The following FMN2 variants were observed in gnomAD, a reference collection of about 807,000 sequenced individuals.
The protein encoded by FMN2 is formin 2.
Under a neutral mutation model 142.3 loss-of-function variants are expected in FMN2, and 51 were observed. The ratio of observed to expected loss-of-function variants is 0.36; its 90% CI spans 0.29 to 0.45. FMN2 has a LOEUF of 0.45. Ranked by LOEUF, FMN2 falls within the 20% of genes least tolerant of loss-of-function variation. FMN2 has a pLI of 1.00. For missense variants in FMN2, 1,936 were observed against 2,122.8 expected (o/e 0.91, Z 1.73); for synonymous variants, 882 against 869.8 (o/e 1.01, Z -0.25).
intron 15 of FMN2, among the ~76,000 whole-genome samples, chr1:240,429,722 A>T (rs1198392444): frequency 1.3e-5 from 2 of 152,176 alleles, no homozygotes; most frequent in Non-Finnish European, 2.9e-5. Flanking sequence ...GAGGAACTTC[A>T]TATTGATATA....
intron 2 of FMN2, among the ~76,000 whole-genome samples, chr1:240,132,797 G>A (rs1662794128): frequency 6.6e-6 from 1 of 152,132 alleles, no homozygotes; most frequent in Admixed American, 6.6e-5. Context: ...GCGGTATGAG[G>A]GAGGATTGGA....
chr1:240,468,206 A>ATATGTG lies in FMN2; in HGVS notation c.5061-4165_5061-4164insATGTGT, dbSNP rs374934885. Among the ~76,000 whole-genome samples, 1,288 of 147,960 alleles carry ATATGTG rather than the reference A, an allele frequency of 8.7e-3. 17 individuals are homozygous for ATATGTG. Among genetic ancestry groups the ATATGTG allele is most frequent in the Middle Eastern group, 0.014 (4 of 284 alleles). On this transcript the variant is annotated intron_variant, in intron 16 of 17. Transcript: ENST00000319653. ...AATGCATCCACTAAAATATATATATATGTGTGTGTGTGTGTGTGTGTGTGT... is the reference window on the plus strand; with the variant it reads ...AATGCATCCACTAAAATATATATATATATGTGTGTGTGTGTGTGTGTGTGTGTGTGT...
intron 4 of FMN2, 90 bp from the exon 5 acceptor site, chr1:240,206,709 C>A (rs1666363873): frequency 7.1e-7 from 1 of 1,416,676 alleles, no homozygotes. Context: ...GGAAGTATGA[C>A]AACAAACAGA....
intron 15 of FMN2, among the ~76,000 whole-genome samples, chr1:240,395,783 G>A (rs551713608): frequency 7.9e-5 from 12 of 152,166 alleles, no homozygotes; most frequent in Non-Finnish European, 1.0e-4. Context: ...GAATCTACTC[G>A]TGGTTAAGAT....
chr1:240,299,043 C>G (rs1395721057), intron 8 of FMN2, among the ~76,000 whole-genome samples: 1 of 151,952 alleles, frequency 6.6e-6, no homozygotes, highest in East Asian at 1.9e-4. Context: ...CTCTGCCTCC[C>G]AGGTTCAAGT....
At chr1:240,450,487 T>G (rs1675973136) in intron 16 of FMN2, among the ~76,000 whole-genome samples, 1 of 152,224 alleles carries the variant, frequency 6.6e-6, no homozygotes, top group Non-Finnish European at 1.5e-5. Context: ...TCATCTGTCA[T>G]TTTATCTTGT....
At chr1:240,131,435 G>A (rs1172295780) in intron 2 of FMN2, among the ~76,000 whole-genome samples, 3 of 152,088 alleles carry the variant, frequency 2.0e-5, no homozygotes, top group East Asian at 1.9e-4. Context: ...GGTCGGGTGC[G>A]GTGGCTCACA....
At chr1:240,198,426 A>T (rs1666000841) in intron 4 of FMN2, among the ~76,000 whole-genome samples, 1 of 152,174 alleles carries the variant, frequency 6.6e-6, no homozygotes, top group Non-Finnish European at 1.5e-5. Flanking sequence ...TTCCTTCCAT[A>T]TCACATTTCT....
chr1:240,291,721 G>A (rs1219167923), intron 7 of FMN2, among the ~76,000 whole-genome samples: 4 of 151,628 alleles, frequency 2.6e-5, no homozygotes, highest in Non-Finnish European at 5.9e-5. Context: ...CTCAGTAGAT[G>A]CAGTTGGAAT....
chr1:240,441,439 T>C (rs1282478414), intron 16 of FMN2, among the ~76,000 whole-genome samples: 2 of 152,152 alleles, frequency 1.3e-5, no homozygotes, highest in Non-Finnish European at 2.9e-5. Context: ...GAGTAGAACC[T>C]CAAGTGGAAT....
chr1:240,329,255 G>A, intron 9 of FMN2, 84 bp from the exon 10 acceptor site: 1 of 1,595,644 alleles, frequency 6.3e-7, no homozygotes, highest in East Asian at 2.2e-5. Flanking sequence ...TGTCTTCAGT[G>A]CATACTTGTT....
intron 16 of FMN2, among the ~76,000 whole-genome samples, chr1:240,450,754 A>G (rs1676008499): frequency 6.6e-6 from 1 of 152,216 alleles, no homozygotes; most frequent in Non-Finnish European, 1.5e-5. Context: ...TCTTCTTTGA[A>G]TGATTTAAAA....
intron 13 of FMN2, among the ~76,000 whole-genome samples, chr1:240,339,599 AAATT>A (rs1671680347): frequency 6.6e-6 from 1 of 152,150 alleles, no homozygotes; most frequent in African/African-American, 2.4e-5. Context: ...TTATATTTTA[AAATT>A]AATATCTGTT....
intron 8 of FMN2, among the ~76,000 whole-genome samples, chr1:240,324,412 C>T (rs908245721): frequency 2.0e-5 from 3 of 152,154 alleles, no homozygotes; most frequent in Non-Finnish European, 2.9e-5. Context: ...AATCCCAGCA[C>T]TTCGGGAGCT....
At chr1:240,284,090 G>A (rs921191294) in intron 7 of FMN2, among the ~76,000 whole-genome samples, 10 of 152,076 alleles carry the variant, frequency 6.6e-5, no homozygotes, top group Admixed American at 5.9e-4. Flanking sequence ...TAAAAATTTT[G>A]GGCCCTAACA....
chr1:240,209,721 G>A (rs1666609472), intron 5 of FMN2, among the ~76,000 whole-genome samples: 3 of 150,926 alleles, frequency 2.0e-5, no homozygotes, highest in East Asian at 2.1e-4. Context: ...TGGCTAACAC[G>A]GTGAAACCTC....
chr1:240,152,973 AGTG>A (rs2103275444), intron 2 of FMN2, among the ~76,000 whole-genome samples: 1 of 152,340 alleles, frequency 6.6e-6, no homozygotes, highest in South Asian at 2.1e-4. Context: ...TTTGAGACTT[AGTG>A]TTTTCATCTG....
At chr1:240,370,801 ATAG>A (rs1366206115) in intron 14 of FMN2, among the ~76,000 whole-genome samples, 3 of 152,168 alleles carry the variant, frequency 2.0e-5, no homozygotes, top group African/African-American at 7.2e-5. Context: ...CAATAACCTG[ATAG>A]TAACCTTCAG....
At chr1:240,135,734 C>T (rs1662910971) in intron 2 of FMN2, among the ~76,000 whole-genome samples, 1 of 148,510 alleles carries the variant, frequency 6.7e-6, no homozygotes, top group South Asian at 2.1e-4. Context: ...AGTTGGAGTG[C>T]AGTGGTGCGA....
Sources: gnomAD v4.1 joint callset for allele counts (sites outside exome capture counted in the v4.1 genomes callset) on GRCh38, gnomAD v4.1.1 for gene constraint, MANE v1.5 for transcripts, NCBI Gene and HGNC (gene_info 2026-07-23, HGNC 2026-07-21) for gene names.